The following EPB41L1 variants were observed in gnomAD, a reference collection of about 807,000 sequenced individuals.
EPB41L1 encodes erythrocyte membrane protein band 4.1 like 1.
EPB41L1 carries 29 observed loss-of-function variants against 97.8 expected under a neutral mutation model. That is an observed-to-expected ratio of 0.30 (90% confidence interval 0.22 to 0.40). The LOEUF is 0.40. Ranked by LOEUF, EPB41L1 falls within the 10% of genes least tolerant of loss-of-function variation. The probability of loss-of-function intolerance (pLI) is 1.00; values close to 1 mark genes in which losing one functional copy is unlikely to be tolerated. For synonymous variants in EPB41L1, 383 were observed against 459.2 expected, an observed-to-expected ratio of 0.83 and a Z score of 2.12; for missense variants, 812 against 1,162.3, an observed-to-expected ratio of 0.70 and a Z score of 4.38.
chr20:36,164,740 C>G (rs903674824), intron 1 of EPB41L1, among the ~76,000 whole-genome samples: 1 of 152,098 alleles, frequency 6.6e-6, no homozygotes, highest in Admixed American at 6.5e-5. Context: ...GGCTGGAGTT[C>G]AGTGGCATGA....
Position 36,206,554 on chromosome 20 carries a change from C to T in EPB41L1, c.1669-2934C>T, listed in dbSNP as rs1190856924. 7.8e-7 allele frequency: 1 copy of T among 1,289,706 alleles called. No homozygotes were observed. The highest frequency in any genetic ancestry group is 1.5e-5 in the African/African-American group (1 of 65,858). The allele number at this position is 1,289,706 out of a possible 1,614,324, so 79.9% of individuals were successfully genotyped here. A position where few individuals can be genotyped will look rare whatever the true frequency, so the allele number is the denominator to read the frequency against. The stretch of plus-strand genomic sequence containing the variant: ...GGAGAGAAAAGGGCGCCTGGATGCC[C>T]CTCCCGGAGGTGAGCCCAGGCCGAC... On this transcript the variant is annotated intron_variant, in intron 14 of 21. Transcript: ENST00000338074. This position sits in a 1 kb window ranked among gnomAD's most constrained non-coding sequence, Gnocchi z 5.5.
chr20:36,188,221 A>T, intron 8 of EPB41L1, 126 bp from the exon 9 acceptor site: 1 of 1,273,980 alleles, frequency 7.8e-7, no homozygotes, highest in Non-Finnish European at 1.1e-6. Context: ...TCCAGCATGG[A>T]GGCTCTAACC....
At chr20:36,120,241 C>T (rs1186489567) in intron 2 of EPB41L1, among the ~76,000 whole-genome samples, 1 of 152,038 alleles carries the variant, frequency 6.6e-6, no homozygotes, top group African/African-American at 2.4e-5. Flanking sequence ...TAGTATAATC[C>T]CTAGTTGGCA....
intron 2 of EPB41L1, among the ~76,000 whole-genome samples, chr20:36,144,393 C>T (rs1020084027): frequency 6.6e-6 from 1 of 152,204 alleles, no homozygotes; most frequent in Non-Finnish European, 1.5e-5. Context: ...ACCCTCTTGG[C>T]TGGCATGGAT....
chr20:36,167,762 G>A (rs1468327808), intron 1 of EPB41L1, among the ~76,000 whole-genome samples: 1 of 151,374 alleles, frequency 6.6e-6, no homozygotes, highest in African/African-American at 2.4e-5. Context: ...AAATAAAGAG[G>A]GTGTCCATTG....
chr20:36,127,064 C>G (rs375827988), intron 2 of EPB41L1, among the ~76,000 whole-genome samples: 1 of 152,336 alleles, frequency 6.6e-6, no homozygotes, highest in East Asian at 1.9e-4. Flanking sequence ...GGAGGGCCCC[C>G]GCAGACTGGA....
rs533081819 is a variant in EPB41L1, at chr20:36,111,491, A to T, written c.-64-935A>T. On this transcript the variant is annotated intron_variant, in intron 1 of 19. Transcript: ENST00000202028. ...CCAGAACAGGATGTGAATGCTAAAA[A>T]GACCCCGAGGGAGGCCGGGCATGGT... 2.0e-5 allele frequency among the ~76,000 whole-genome samples: 3 copies of T among 152,266 alleles called. No individual in the cohort carries two copies. The South Asian group carries it at 6.2e-4, about 32-fold the overall frequency.
rs528266170 is a variant in EPB41L1 at position 36,214,117 on chromosome 20, A to T, written c.2185-240A>T. Reference sequence around the variant, plus strand: ...GATTGCTAGGTCAAAGATTACACGCATTGCAATTTGGATAGAATTTGCCAG... The same window carrying T: ...GATTGCTAGGTCAAAGATTACACGCTTTGCAATTTGGATAGAATTTGCCAG... On this transcript the variant is annotated intron_variant, in intron 16 of 21. Coordinates refer to ENST00000338074, the MANE Select transcript of EPB41L1 (RefSeq NM_012156.2). Among the ~76,000 whole-genome samples the T allele has an allele frequency of 3.9e-5, 6 of 152,066 alleles. No homozygotes were observed. In the South Asian group the frequency reaches 1.2e-3, roughly 32 times the overall value.
intron 21 of EPB41L1, among the ~76,000 whole-genome samples, chr20:36,224,172 G>A (rs542275874): frequency 5.9e-5 from 9 of 152,278 alleles, no homozygotes; most frequent in Non-Finnish European, 8.8e-5. Flanking sequence ...GTCACTAGCC[G>A]CATGTGGCTA....
intron 14 of EPB41L1, among the ~76,000 whole-genome samples, chr20:36,198,499 C>T (rs1355621601): frequency 6.6e-6 from 1 of 152,198 alleles, no homozygotes; most frequent in Non-Finnish European, 1.5e-5. Flanking sequence ...TGTGAAAACA[C>T]GGATCGGGGA....
chr20:36,118,754 C>A (rs2058662922), intron 2 of EPB41L1, among the ~76,000 whole-genome samples: 1 of 152,128 alleles, frequency 6.6e-6, no homozygotes, highest in South Asian at 2.1e-4. Flanking sequence ...TGAATGAATG[C>A]ATTAATGAAT....
rs534701631 is a variant in EPB41L1, at chr20:36,231,796, A to G, written c.*2456A>G. ...TTCCATACACCAGGTTCTTTCTACA[A>G]TCCTGGTGGAAAAGCCACAGAACCT... On this transcript the variant is annotated 3_prime_UTR_variant, in exon 22 of 22. Coordinates refer to ENST00000338074, the MANE Select transcript of EPB41L1 (RefSeq NM_012156.2). The G allele has an allele frequency of 3.1e-4, 47 of 152,682 alleles. No individual in the cohort carries two copies. Among genetic ancestry groups the G allele is most frequent in the Admixed American group, 2.8e-3 (43 of 15,300 alleles). The allele number at this position is 152,682 out of a possible 1,614,324, so 9.5% of individuals were successfully genotyped here.
chr20:36,176,680 G>A (rs1482698950), intron 3 of EPB41L1, among the ~76,000 whole-genome samples: 1 of 140,224 alleles, frequency 7.1e-6, no homozygotes, highest in Non-Finnish European at 1.5e-5. Flanking sequence ...TGCCCAGGCT[G>A]GTGTGCAGTG....
intron 17 of EPB41L1, among the ~76,000 whole-genome samples, chr20:36,217,748 G>C (rs1043643628): frequency 6.6e-6 from 1 of 152,172 alleles, no homozygotes; most frequent in Non-Finnish European, 1.5e-5. Flanking sequence ...CGTGCCTTGT[G>C]GTGCAGTACC....
intron 1 of EPB41L1, chr20:36,091,632 C>T (rs568151485): frequency 1.4e-4 from 21 of 152,340 alleles, no homozygotes; most frequent in Admixed American, 1.3e-4. Flanking sequence ...AGCTACTTAG[C>T]AGGCCTTTGC....
At position 36,224,268 on chromosome 20, in the gene EPB41L1, AAG is replaced by A. The variant is rs565356941; in HGVS notation, c.2637+1875_2637+1876del. Among the ~76,000 whole-genome samples, 20 of 152,366 alleles carry A rather than the reference AAG, an allele frequency of 1.3e-4. No homozygotes were observed. In the East Asian group the frequency reaches 3.9e-3, roughly 29 times the overall value. On this transcript the variant is annotated intron_variant, in intron 21 of 21. Coordinates refer to ENST00000338074, the MANE Select transcript of EPB41L1 (RefSeq NM_012156.2). ...GGATTTTGAAAATTTAATATAAAAAAAGTAAATAATCTCAATAATTTTTACAT... is the reference window on the plus strand; with the variant it reads ...GGATTTTGAAAATTTAATATAAAAAATAAATAATCTCAATAATTTTTACAT...
At chr20:36,185,421 T>A in intron 7 of EPB41L1, 86 bp downstream of exon 7, 1 of 1,304,836 alleles carries the variant, frequency 7.7e-7, no homozygotes, top group Non-Finnish European at 1.1e-6. Context: ...GGCCGCCACA[T>A]ACTGTGCTGT....
intron 2 of EPB41L1, 120 bp downstream of exon 2, chr20:36,174,074 C>G: frequency 9.3e-7 from 1 of 1,071,546 alleles, no homozygotes; most frequent in Non-Finnish European, 1.4e-6. Context: ...TTATTAGTGA[C>G]CTGTTACATG....
intron 14 of EPB41L1, among the ~76,000 whole-genome samples, chr20:36,200,207 G>C (rs2062425541): frequency 6.6e-6 from 1 of 152,160 alleles, no homozygotes; most frequent in African/African-American, 2.4e-5. Context: ...ACCTACAGGA[G>C]GACCAAAATG....
Sources: allele counts gnomAD v4.1 joint callset (sites outside exome capture counted in the v4.1 genomes callset), GRCh38; gene constraint gnomAD v4.1.1; non-coding constraint Gnocchi (gnomAD v3.1); transcripts MANE v1.5; gene names NCBI Gene and HGNC (gene_info 2026-07-23, HGNC 2026-07-21).